Variants in KIF27 observed in about 807,000 individuals in gnomAD.
KIF27 encodes kinesin-like protein KIF27.
A neutral mutation model predicts 141.8 loss-of-function variants in KIF27; 84 were observed. That is an observed-to-expected ratio of 0.59 (90% CI 0.50 to 0.71). The LOEUF is 0.71. Among genes scored for constraint, KIF27 ranks in the 30% least tolerant of loss-of-function variants. The pLI is 0.00. For synonymous variants in KIF27, 471 were observed against 569.5 expected, an observed-to-expected ratio of 0.83 and a Z score of 2.46; for missense variants, 1,306 against 1,628.4, an observed-to-expected ratio of 0.80 and a Z score of 3.41.
intron 4 of KIF27, among the ~76,000 whole-genome samples, chr9:83,901,148 AG>A (rs1953846704): frequency 6.6e-6 from 1 of 152,148 alleles, no homozygotes; most frequent in Non-Finnish European, 1.5e-5. Flanking sequence ...TTGTAGAAAC[AG>A]GGGTCTCATT....
intron 1 of KIF27, among the ~76,000 whole-genome samples, chr9:83,919,848 G>A (rs1210220779): frequency 2.0e-5 from 3 of 152,120 alleles, no homozygotes; most frequent in African/African-American, 2.4e-5. Context: ...GAGCCACGAT[G>A]CCCAGCCTCA....
At chr9:83,917,550 A>C (rs1291643065) in intron 1 of KIF27, among the ~76,000 whole-genome samples, 2 of 152,218 alleles carry the variant, frequency 1.3e-5, no homozygotes, top group African/African-American at 4.8e-5. Flanking sequence ...ACACTTTCCT[A>C]ATTTCAAAAC....
Position 83,848,146 on chromosome 9 carries a change from CTGATA to C in KIF27, c.3556+1948_3556+1952del, listed in dbSNP as rs1244728832. On this transcript the variant is annotated intron_variant, in intron 16 of 17. Transcript: ENST00000297814. ...ATCTGATATCTCATATATGATATATCTGATATATCATATATGATATATCTGATATA... is the reference window on the plus strand; with the variant it reads ...ATCTGATATCTCATATATGATATATCTATCATATATGATATATCTGATATA... Among the ~76,000 whole-genome samples, 20 of 44,756 alleles carry C rather than the reference CTGATA, an allele frequency of 4.5e-4. 4 individuals carry two copies. The highest frequency in any genetic ancestry group is 4.1e-4 in the Non-Finnish European group (10 of 24,472). 29.4% of individuals were successfully genotyped at this position (44,756 alleles called of 152,430 possible).
At chr9:83,914,104 T>TAATA (rs1554686969) in intron 2 of KIF27, among the ~76,000 whole-genome samples, 1 of 139,248 alleles carries the variant, frequency 7.2e-6, no homozygotes, top group African/African-American at 2.7e-5. Context: ...CTCTTAATAA[T>TAATA]AAAAAAAAAA....
intron 15 of KIF27, among the ~76,000 whole-genome samples, chr9:83,852,838 C>T (rs1236995505): frequency 6.6e-6 from 1 of 152,096 alleles, no homozygotes; most frequent in Non-Finnish European, 1.5e-5. Context: ...ATTCTGGGCT[C>T]AAGTGATTCT....
intron 1 of KIF27, 80 bp from the exon 2 acceptor site, chr9:83,915,758 T>C (rs943729023): frequency 6.7e-5 from 41 of 614,240 alleles, no homozygotes; most frequent in African/African-American, 6.5e-4. Context: ...TAAAGCAAAG[T>C]CAATTAGAAC....
chr9:83,884,301 T>C (rs576582268), intron 9 of KIF27, among the ~76,000 whole-genome samples: 1 of 152,304 alleles, frequency 6.6e-6, no homozygotes, highest in African/African-American at 2.4e-5. Flanking sequence ...GAATTTGTAG[T>C]TGAGCTTTGC....
rs368318986 is a variant in KIF27 at position 83,857,934 on chromosome 9, A to C, written c.3150+1222T>G. Among the ~76,000 whole-genome samples, 9 of 142,786 alleles carry C rather than the reference A, an allele frequency of 6.3e-5. No individual in the cohort carries two copies. In the South Asian group the frequency reaches 2.0e-3, roughly 32 times the overall value. 93.7% of individuals were successfully genotyped at this position (142,786 alleles called of 152,430 possible). A position where few individuals can be genotyped will look rare whatever the true frequency, so the allele number is the denominator to read the frequency against. ...TTCTATCTGTTTTCCCAAATAGAGT[A>C]TTAATTTCTCAAGGGAAACATAATA... On this transcript the variant is annotated intron_variant, in intron 14 of 17. Transcript: ENST00000297814.
intron 3 of KIF27, among the ~76,000 whole-genome samples, chr9:83,907,942 G>A (rs1437188882): frequency 6.6e-6 from 1 of 152,160 alleles, no homozygotes; most frequent in Non-Finnish European, 1.5e-5. Flanking sequence ...CAACCAGTCT[G>A]AACTACTTTT....
intron 3 of KIF27, among the ~76,000 whole-genome samples, chr9:83,908,136 C>T (rs1954755012): frequency 6.6e-6 from 1 of 151,940 alleles, no homozygotes; most frequent in Admixed American, 6.6e-5. Flanking sequence ...GTGGTGCACA[C>T]CTGTAATACC....
intron 5 of KIF27, among the ~76,000 whole-genome samples, chr9:83,897,595 A>G (rs1373575798): frequency 6.6e-6 from 1 of 152,228 alleles, no homozygotes; most frequent in African/African-American, 2.4e-5. Flanking sequence ...AATACCATTA[A>G]CCATAAAGGA....
intron 2 of KIF27, among the ~76,000 whole-genome samples, chr9:83,908,979 C>T (rs1954863300): frequency 6.6e-6 from 1 of 152,148 alleles, no homozygotes; most frequent in Non-Finnish European, 1.5e-5. Context: ...CACATGTATC[C>T]CCTTACCAAG....
At chr9:83,870,375 C>T in intron 12 of KIF27, 144 bp downstream of exon 12, 1 of 1,147,050 alleles carries the variant, frequency 8.7e-7, no homozygotes, top group Non-Finnish European at 1.2e-6. Context: ...CCATGTTGAC[C>T]AGGCTGGTCT....
At position 83,899,778 on chromosome 9, in the gene KIF27, T is replaced by C; in HGVS notation, c.1485A>G (p.Val495=). The C allele has an allele frequency of 6.2e-7, 1 of 1,613,284 alleles. No individual in the cohort carries two copies. Among genetic ancestry groups the C allele is most frequent in the Non-Finnish European group, 8.5e-7 (1 of 1,179,580 alleles). ...TCACCTCCAGTTCCTTCTGATTAAA[T>C]ACTACTTCATCAGCAGCAAGCACAC... ...CQCVLAADEV[V]FNQKELEVKE... The change falls in exon 5 of 18, where the codon GTA becomes GTG. Residue 495 remains valine (V), a synonymous_variant. Transcript: ENST00000297814.
chr9:83,887,255 A>G (rs1455760016), intron 8 of KIF27, 59 bp from the exon 9 acceptor site: 1 of 1,167,514 alleles, frequency 8.6e-7, no homozygotes, highest in Non-Finnish European at 1.1e-6. Context: ...ACAGAAGTAG[A>G]GTTAAAAAAA....
At chr9:83,855,455 A>G (rs1949090853) in intron 14 of KIF27, among the ~76,000 whole-genome samples, 2 of 152,252 alleles carry the variant, frequency 1.3e-5, no homozygotes, top group African/African-American at 4.8e-5. Flanking sequence ...AAGGAATAAA[A>G]TAATATTCAC....
chr9:83,853,865 A>G (rs777427669), intron 14 of KIF27, 30 bp from the exon 15 acceptor site: 9 of 1,468,918 alleles, frequency 6.1e-6, no homozygotes, highest in Non-Finnish European at 8.6e-6. Flanking sequence ...CTCATTTTAA[A>G]TGAAATAGTA....
chr9:83,838,918 T>C (rs1456985185), intron 17 of KIF27: 1 of 152,158 alleles, frequency 6.6e-6, no homozygotes, highest in African/African-American at 2.4e-5. Context: ...TAGATCCTCG[T>C]ACATGGAACT....
intron 5 of KIF27, among the ~76,000 whole-genome samples, chr9:83,893,293 G>T (rs1588204460): frequency 6.6e-6 from 1 of 152,048 alleles, no homozygotes; most frequent in Non-Finnish European, 1.5e-5. Context: ...AGACTTCAAA[G>T]GTGAGTAAAA....
Sources: gnomAD v4.1 joint callset for allele counts (sites outside exome capture counted in the v4.1 genomes callset) on GRCh38, gnomAD v4.1.1 for gene constraint, MANE v1.5 for transcripts, NCBI Gene and HGNC (gene_info 2026-07-23, HGNC 2026-07-21) for gene names.